The following SCHIP1 variants were observed in gnomAD, a reference collection of about 807,000 sequenced individuals.
The protein encoded by SCHIP1 is schwannomin-interacting protein 1.
A neutral mutation model predicts 29.7 loss-of-function variants in SCHIP1; 8 were observed. The ratio of observed to expected loss-of-function variants is 0.27; its 90% confidence interval spans 0.16 to 0.49. SCHIP1 has a LOEUF of 0.49. SCHIP1 is among the 20% of genes least tolerant of loss of function. SCHIP1 has a pLI of 0.99. For missense variants in SCHIP1, 193 were observed against 294.6 expected (o/e 0.66, Z 2.52); for synonymous variants, 76 against 94.9 (o/e 0.80, Z 1.16).
chr3:159,300,924 T>A, the SCHIP1 span, among the ~76,000 whole-genome samples: 2 of 152,316 alleles, frequency 1.3e-5, no homozygotes, highest in East Asian at 1.9e-4. Context: ...TAAATATCCA[T>A]GATGTTTTCT....
At chr3:159,360,281 G>A in the SCHIP1 span, among the ~76,000 whole-genome samples, 1 of 152,232 alleles carries the variant, frequency 6.6e-6, no homozygotes, top group East Asian at 1.9e-4. Context: ...TTTGTATTTA[G>A]TATACTACAT....
the SCHIP1 span, among the ~76,000 whole-genome samples, chr3:159,433,805 T>A: frequency 1.3e-5 from 2 of 151,962 alleles, no homozygotes; most frequent in Non-Finnish European, 2.9e-5. Flanking sequence ...TTAGCTTTTT[T>A]ATGACTCTTA....
At chr3:159,747,534 G>A in the SCHIP1 span, among the ~76,000 whole-genome samples, 1 of 152,136 alleles carries the variant, frequency 6.6e-6, no homozygotes, top group Non-Finnish European at 1.5e-5. Context: ...AATATAGGTA[G>A]GGCCAAGGTA....
chr3:159,585,367 G>A, the SCHIP1 span, among the ~76,000 whole-genome samples: 1 of 152,168 alleles, frequency 6.6e-6, no homozygotes, highest in African/African-American at 2.4e-5. Context: ...GAGACAACTT[G>A]GTAATTTTCT....
At chr3:159,472,633 T>TAGACAAATGTTAGACAAAA in the SCHIP1 span, among the ~76,000 whole-genome samples, 1 of 152,188 alleles carries the variant, frequency 6.6e-6, no homozygotes, top group Non-Finnish European at 1.5e-5. Context: ...CAAAAATGTT[T>TAGACAAATGTTAGACAAAA]AAGTAGAAGA....
chr3:159,319,758 T>C, the SCHIP1 span, among the ~76,000 whole-genome samples: 1 of 152,248 alleles, frequency 6.6e-6, no homozygotes. Flanking sequence ...TGTTGTTTCC[T>C]AGTTTTCAAG....
At chr3:159,372,970 G>C in the SCHIP1 span, among the ~76,000 whole-genome samples, 1 of 152,016 alleles carries the variant, frequency 6.6e-6, no homozygotes, top group African/African-American at 2.4e-5. Flanking sequence ...TCCTGCTTTA[G>C]ATCATTACTG....
At chr3:159,779,163 CAA>C in the SCHIP1 span, among the ~76,000 whole-genome samples, 1 of 152,084 alleles carries the variant, frequency 6.6e-6, no homozygotes, top group South Asian at 2.1e-4. Context: ...ACCTGTGGAA[CAA>C]ATGCCACTCA....
chr3:159,803,569 A>G, the SCHIP1 span, among the ~76,000 whole-genome samples: 265 of 152,326 alleles, frequency 1.7e-3, 9 homozygotes, highest in East Asian at 0.05. Context: ...GAATTAGATC[A>G]TGCACTAAGT....
chr3:159,637,421 A>ACACACC, the SCHIP1 span, among the ~76,000 whole-genome samples: 57 of 136,594 alleles, frequency 4.2e-4, no homozygotes, highest in African/African-American at 1.4e-3. Flanking sequence ...ACACACACAC[A>ACACACC]CCTGACTCTT....
chr3:159,614,523 G>A, the SCHIP1 span, among the ~76,000 whole-genome samples: 1 of 152,014 alleles, frequency 6.6e-6, no homozygotes, highest in South Asian at 2.1e-4. Flanking sequence ...CCACGGTGCT[G>A]TTATTTTTTC....
At chr3:159,892,189 A>C in exon 6 of SCHIP1, 1 of 1,614,164 alleles carries the variant, frequency 6.2e-7, no homozygotes, top group Non-Finnish European at 8.5e-7. Context: ...AGACTTGACC[A>C]GGTCAGTGTG....
chr3:159,428,271 G>C, the SCHIP1 span, among the ~76,000 whole-genome samples: 4,163 of 151,968 alleles, frequency 0.027, 68 homozygotes, highest in Non-Finnish European at 0.044. Context: ...CTACAAAATG[G>C]GAGAAAATTT....
the SCHIP1 span, among the ~76,000 whole-genome samples, chr3:159,376,467 C>G: frequency 3.9e-5 from 6 of 152,310 alleles, no homozygotes; most frequent in Non-Finnish European, 7.3e-5. Context: ...ACCCTTCATC[C>G]TGGAGCCAAT....
At chr3:159,813,323 T>A in the SCHIP1 span, among the ~76,000 whole-genome samples, 7 of 152,294 alleles carry the variant, frequency 4.6e-5, no homozygotes, top group Admixed American at 3.3e-4. Flanking sequence ...GTATTGTAAA[T>A]CATGAAACTA....
the SCHIP1 span, among the ~76,000 whole-genome samples, chr3:159,572,086 T>C: frequency 1.3e-5 from 2 of 152,142 alleles, no homozygotes; most frequent in Admixed American, 6.6e-5. Context: ...AGCTCCTGGA[T>C]TGATTTTTTT....
At chr3:159,543,425 T>A in the SCHIP1 span, among the ~76,000 whole-genome samples, 1 of 138,822 alleles carries the variant, frequency 7.2e-6, no homozygotes, top group Non-Finnish European at 1.5e-5. Flanking sequence ...TGTCCATGTG[T>A]TCTCATTGTT....
chr3:159,652,835 TC>T, the SCHIP1 span, among the ~76,000 whole-genome samples: 1 of 152,194 alleles, frequency 6.6e-6, no homozygotes, highest in African/African-American at 2.4e-5. Flanking sequence ...TATTCTCACT[TC>T]TTTAAAAATG....
chr3:159,443,577 C>T, the SCHIP1 span, among the ~76,000 whole-genome samples: 9 of 152,012 alleles, frequency 5.9e-5, no homozygotes, highest in South Asian at 2.1e-4. Flanking sequence ...GGTGCCATCT[C>T]GGCTTACTGC....
Sources: allele counts gnomAD v4.1 joint callset (sites outside exome capture counted in the v4.1 genomes callset), GRCh38; gene constraint gnomAD v4.1.1; transcripts MANE v1.5; gene names NCBI Gene and HGNC (gene_info 2026-07-23, HGNC 2026-07-21).